FAM135B: variants seen among roughly 807,000 people sequenced by gnomAD.
FAM135B encodes the protein protein FAM135B.
A neutral mutation model predicts 127.7 loss-of-function variants in FAM135B; 43 were observed. The observed-to-expected ratio is 0.34, with a 90% confidence interval of 0.26 to 0.43. The LOEUF is 0.43. Among genes scored for constraint, FAM135B ranks in the 20% least tolerant of loss-of-function variants. FAM135B has a pLI of 1.00. For synonymous variants in FAM135B, 670 were observed against 665.1 expected (o/e 1.01, Z -0.11); for missense variants, 1,558 against 1,725.6 (o/e 0.90, Z 1.72).
chr8:138,251,528 C>A (rs915985213), intron 5 of FAM135B, among the ~76,000 whole-genome samples: 1 of 152,048 alleles, frequency 6.6e-6, no homozygotes, highest in Admixed American at 6.6e-5. Flanking sequence ...AATATAAATA[C>A]GAATTAAAAT....
At chr8:138,391,930 T>A (rs1020492539) in intron 1 of FAM135B, among the ~76,000 whole-genome samples, 7 of 152,186 alleles carry the variant, frequency 4.6e-5, no homozygotes, top group Non-Finnish European at 8.8e-5. Context: ...CACTAGGCCA[T>A]CTGGTCTCCA....
chr8:138,492,914 G>C (rs1815257763), intron 1 of FAM135B, among the ~76,000 whole-genome samples: 1 of 152,142 alleles, frequency 6.6e-6, no homozygotes, highest in African/African-American at 2.4e-5. Context: ...TTAAGCTCTT[G>C]AAAGGCAAGG....
chr8:138,471,929 A>T (rs902616986), intron 1 of FAM135B, among the ~76,000 whole-genome samples: 7 of 152,210 alleles, frequency 4.6e-5, no homozygotes, highest in African/African-American at 1.7e-4. Flanking sequence ...AGTGATTCAC[A>T]GAAGGAAGAC....
At chr8:138,444,267 C>A (rs1466542970) in intron 1 of FAM135B, among the ~76,000 whole-genome samples, 4 of 152,112 alleles carry the variant, frequency 2.6e-5, no homozygotes, top group Non-Finnish European at 5.9e-5. Context: ...ACAAGGATAT[C>A]CAGGAATTGA....
At chr8:138,412,962 C>G (rs1457388643) in intron 1 of FAM135B, among the ~76,000 whole-genome samples, 1 of 152,184 alleles carries the variant, frequency 6.6e-6, no homozygotes, top group Non-Finnish European at 1.5e-5. Context: ...TCTGGGCAAT[C>G]TAAGCTAGGA....
chr8:138,153,251 T>G (rs1241103874), intron 12 of FAM135B, 35 bp from the exon 13 acceptor site: 1 of 1,438,896 alleles, frequency 6.9e-7, no homozygotes, highest in Non-Finnish European at 9.3e-7. Context: ...TATATTATAG[T>G]GTAAGAATCT....
At chr8:138,155,269 C>T (rs1818610896) in intron 12 of FAM135B, among the ~76,000 whole-genome samples, 1 of 152,190 alleles carries the variant, frequency 6.6e-6, no homozygotes, top group South Asian at 2.1e-4. Flanking sequence ...ACCACCAGGC[C>T]TGCCTTACAA....
chr8:138,240,594 GCC>G (rs1820680571), intron 7 of FAM135B, among the ~76,000 whole-genome samples: 1 of 152,188 alleles, frequency 6.6e-6, no homozygotes, highest in Non-Finnish European at 1.5e-5. Flanking sequence ...CATGGTGCTG[GCC>G]CTAGGGATGG....
At chr8:138,225,371 A>T (rs1686727721) in intron 7 of FAM135B, among the ~76,000 whole-genome samples, 1 of 152,052 alleles carries the variant, frequency 6.6e-6, no homozygotes, top group African/African-American at 2.4e-5. Context: ...CTCACCAGAC[A>T]CTGGGCTTGT....
chr8:138,220,534 C>A (rs1238573802), intron 7 of FAM135B, among the ~76,000 whole-genome samples: 1 of 152,110 alleles, frequency 6.6e-6, no homozygotes. Flanking sequence ...TTATTAATGA[C>A]CTGCCTTATA....
chr8:138,282,745 G>A (rs1046501595), intron 3 of FAM135B, among the ~76,000 whole-genome samples: 39 of 152,142 alleles, frequency 2.6e-4, no homozygotes, highest in Admixed American at 7.2e-4. Flanking sequence ...ACGGAAAAGG[G>A]CACAGACACT....
In FAM135B at chr8:138,451,808, T is replaced by C. The variant is rs148828106; in HGVS notation, c.-20+44863A>G. ...TGACACAGATAAATGTCCAAAAATA[T>C]TGGGTAAAAAGATGGACTTATGGAT... is the stretch of plus-strand genomic sequence containing the variant. On this transcript the variant is annotated intron_variant, in intron 1 of 19. Transcript: ENST00000395297. Among the ~76,000 whole-genome samples, 636 of 152,118 alleles carry C rather than the reference T, an allele frequency of 4.2e-3. 5 individuals are homozygous for C. The highest frequency in any genetic ancestry group is 0.015 in the African/African-American group (618 of 41,502).
intron 1 of FAM135B, among the ~76,000 whole-genome samples, chr8:138,445,333 T>G (rs1052993374): frequency 1.3e-5 from 2 of 152,130 alleles, no homozygotes; most frequent in Admixed American, 6.6e-5. Flanking sequence ...TACCAAAGCC[T>G]GGCAGAGACA....
intron 1 of FAM135B, among the ~76,000 whole-genome samples, chr8:138,389,635 A>G (rs1832427077): frequency 6.6e-6 from 1 of 152,214 alleles, no homozygotes; most frequent in African/African-American, 2.4e-5. Flanking sequence ...ATACAGACAG[A>G]GAGCAGACAG....
intron 1 of FAM135B, among the ~76,000 whole-genome samples, chr8:138,386,780 T>A (rs1832245342): frequency 6.6e-6 from 1 of 152,176 alleles, no homozygotes; most frequent in Admixed American, 6.5e-5. Context: ...GACCGCTGCT[T>A]CATTCAATCC....
In FAM135B at chr8:138,309,164, G is replaced by A. The variant is rs1656981176; in HGVS notation, c.157+1677C>T. 2.8e-5 allele frequency: 9 copies of A among 317,548 alleles called. 1 individual carries two copies. Among genetic ancestry groups the A allele is most frequent in the South Asian group, 2.4e-4 (9 of 37,508 alleles). The allele number at this position is 317,548 out of a possible 1,614,324, so 19.7% of individuals were successfully genotyped here. On this transcript the variant is annotated intron_variant, in intron 3 of 19. Coordinates refer to ENST00000395297, the MANE Select transcript of FAM135B (RefSeq NM_015912.4). ...TGTTATTATCCAATGTACACATATG[G>A]ACACTGGTTCACGCAGGGCAGGGTC...
chr8:138,493,444 C>A (rs1307522722), intron 1 of FAM135B, among the ~76,000 whole-genome samples: 4 of 152,030 alleles, frequency 2.6e-5, no homozygotes, highest in South Asian at 2.1e-4. Context: ...ATTCTGGAAC[C>A]CTCTATTATT....
At chr8:138,447,188 C>G (rs144667525) in intron 1 of FAM135B, among the ~76,000 whole-genome samples, 1,642 of 152,256 alleles carry the variant, frequency 0.011, 32 homozygotes, top group African/African-American at 0.037. Context: ...GAGATGGGAA[C>G]ACTTTTACAC....
intron 9 of FAM135B, among the ~76,000 whole-genome samples, chr8:138,187,698 T>C (rs1486418556): frequency 2.6e-5 from 4 of 152,236 alleles, no homozygotes; most frequent in Non-Finnish European, 5.9e-5. Flanking sequence ...TCTGAAGTCA[T>C]AGGAACATCT....
Sources: gnomAD v4.1 joint callset for allele counts (sites outside exome capture counted in the v4.1 genomes callset) on GRCh38, gnomAD v4.1.1 for gene constraint, MANE v1.5 for transcripts, NCBI Gene and HGNC (gene_info 2026-07-23, HGNC 2026-07-21) for gene names.